The following ZYG11A variants were observed in gnomAD, a reference collection of about 807,000 sequenced individuals.
ZYG11A encodes protein zyg-11 homolog A.
In ZYG11A, 62 loss-of-function variants were observed where a neutral mutation model predicts 77.2. That is an observed-to-expected ratio of 0.80 (90% confidence interval 0.65 to 0.99). ZYG11A has a LOEUF of 0.99. Ranked by LOEUF, ZYG11A falls within the 50% of genes least tolerant of loss-of-function variation. The probability of loss-of-function intolerance (pLI) is 0.00; values close to 1 mark genes in which losing one functional copy is unlikely to be tolerated. For synonymous variants in ZYG11A, 315 were observed against 324.6 expected, an observed-to-expected ratio of 0.97 and a Z score of 0.32; for missense variants, 828 against 896.8, an observed-to-expected ratio of 0.92 and a Z score of 0.98.
rs114585598 is a variant in ZYG11A, at chr1:52,888,789, C to T, written c.2104+1736C>T. Among the ~76,000 whole-genome samples, 783 of 152,314 alleles carry T rather than the reference C, an allele frequency of 5.1e-3. 8 individuals carry two copies. The highest frequency in any genetic ancestry group is 0.018 in the African/African-American group (763 of 41,564). On this transcript the variant is annotated intron_variant, in intron 13 of 13. Transcript: ENST00000371528. ...TGAGCCATGATCAGGCAACTGCCTA[C>T]TTCCAGCCTGGGGAACAGAGCAAGA...
chr1:52,869,728 T>G lies in ZYG11A; in HGVS notation c.1542+1951T>G, dbSNP rs573592786. On this transcript the variant is annotated intron_variant, in intron 8 of 13. Transcript: ENST00000371528. ...TTTCTATTCCACAAAACCGCCATTG[T>G]CATCATGGCCCGTTCTCAATGAGCT... is the stretch of plus-strand genomic sequence containing the variant. 6.7e-3 allele frequency among the ~76,000 whole-genome samples: 995 copies of G among 147,866 alleles called. 15 individuals are homozygous for G. The highest frequency in any genetic ancestry group is 0.023 in the African/African-American group (871 of 37,304).
Position 52,864,092 on chromosome 1 carries a change from C to G in ZYG11A, c.1261C>G (p.Arg421Gly). 1.9e-6 allele frequency: 3 copies of G among 1,551,936 alleles called. No homozygotes were observed. The highest frequency in any genetic ancestry group is 1.4e-5 in the African/African-American group (1 of 73,174). The part of the protein sequence containing the change: ...RQGLAKGMPV[R>G]LLSEVTCLLF... ...GGGCCTGGCCAAGGGGATGCCTGTTCGCCTGTTGTCAGAGGTCACCTGTCT... is the reference window on the plus strand; with the variant it reads ...GGGCCTGGCCAAGGGGATGCCTGTTGGCCTGTTGTCAGAGGTCACCTGTCT... Residue 421 changes from arginine (R) to glycine (G), a missense_variant, in exon 5 of 14, where the codon CGC becomes GGC. By Grantham distance (125) the Arg-to-Gly change is moderately radical. Transcript: ENST00000371528.
At chr1:52,851,619 C>A (rs932911745) in intron 1 of ZYG11A, among the ~76,000 whole-genome samples, 1 of 151,852 alleles carries the variant, frequency 6.6e-6, no homozygotes, top group African/African-American at 2.4e-5. Flanking sequence ...AGGTTGGTCT[C>A]GAGCTCCTAA....
intron 1 of ZYG11A, among the ~76,000 whole-genome samples, chr1:52,844,967 G>A (rs1234525101): frequency 6.6e-6 from 1 of 151,756 alleles, no homozygotes; most frequent in African/African-American, 2.4e-5. Context: ...TAATTAAGAC[G>A]GTGGTTTCCC....
intron 1 of ZYG11A, among the ~76,000 whole-genome samples, chr1:52,845,693 T>TTTACAAA (rs1645559462): frequency 6.6e-6 from 1 of 151,872 alleles, no homozygotes; most frequent in African/African-American, 2.4e-5. Context: ...TTTTTTTAAT[T>TTTACAAA]AAAAATGTAT....
intron 13 of ZYG11A, among the ~76,000 whole-genome samples, chr1:52,892,518 A>G (rs1308667859): frequency 6.6e-6 from 1 of 151,642 alleles, no homozygotes; most frequent in Non-Finnish European, 1.5e-5. Context: ...ACAAGAGCAA[A>G]ACTCTGTCTC....
rs939517668 is a variant in ZYG11A, at chr1:52,857,381, A to G, written c.640A>G (p.Asn214Asp). ...LPRLESLDIS[N>D]TLVTDISALL... is the part of the protein sequence containing the mutation. ...AAGACTGGAAAGCTTAGATATCTCT[A>G]ATACTCTAGTCACTGATATTTCTGC... The change falls in exon 3 of 14, where the codon AAT becomes GAT. Residue 214 changes from asparagine to aspartate, a missense_variant. Transcript: ENST00000371528. The G allele has an allele frequency of 5.8e-6, 9 of 1,551,660 alleles. No homozygotes were observed. The highest frequency in any genetic ancestry group is 2.4e-5 in the South Asian group (2 of 84,044).
intron 11 of ZYG11A, among the ~76,000 whole-genome samples, chr1:52,882,199 C>G (rs1646375939): frequency 6.6e-6 from 1 of 152,152 alleles, no homozygotes; most frequent in Non-Finnish European, 1.5e-5. Context: ...AGCCAACTTC[C>G]TTATTTCTAA....
intron 8 of ZYG11A, among the ~76,000 whole-genome samples, chr1:52,872,783 T>G (rs527242395): frequency 2.7e-5 from 4 of 147,168 alleles, no homozygotes; most frequent in African/African-American, 1.0e-4. Context: ...CTTAGGAGGC[T>G]GAGGTGGGAG....
intron 1 of ZYG11A, among the ~76,000 whole-genome samples, chr1:52,847,870 TTATTTATTTA>T (rs1449697768): frequency 2.6e-4 from 21 of 80,942 alleles, no homozygotes; most frequent in African/African-American, 1.3e-3. Context: ...ATTTATTTAT[TTATTTATTTA>T]TTTTTTTGAG....
intron 1 of ZYG11A, among the ~76,000 whole-genome samples, chr1:52,847,855 TA>T (rs1166548161): frequency 1.8e-4 from 17 of 93,060 alleles, no homozygotes; most frequent in African/African-American, 5.7e-4. Context: ...TTTATTTATT[TA>T]TTTATTTATT....
At chr1:52,848,896 A>T (rs1038488024) in intron 1 of ZYG11A, among the ~76,000 whole-genome samples, 1 of 152,132 alleles carries the variant, frequency 6.6e-6, no homozygotes, top group African/African-American at 2.4e-5. Flanking sequence ...AAAGTAAAAA[A>T]AATGGAGACA....
At chr1:52,878,089 C>T in intron 10 of ZYG11A, 120 bp downstream of exon 10, 1 of 810,304 alleles carries the variant, frequency 1.2e-6, no homozygotes, top group African/African-American at 1.7e-5. Context: ...CTCATTTAAT[C>T]TTTACATTAG....
At chr1:52,879,422 G>A (rs145173704) in intron 10 of ZYG11A, among the ~76,000 whole-genome samples, 5 of 152,236 alleles carry the variant, frequency 3.3e-5, no homozygotes, top group African/African-American at 7.2e-5. Context: ...CCTTATCTTC[G>A]TGTATCTCAC....
chr1:52,847,883 T>TATTTATTTA (rs1222682445), intron 1 of ZYG11A, among the ~76,000 whole-genome samples: 1 of 43,412 alleles, frequency 2.3e-5, no homozygotes, highest in Non-Finnish European at 8.7e-5. Flanking sequence ...TTTATTTATT[T>TATTTATTTA]TTTTGAGATG....
chr1:52,868,607 C>A (rs1646075754), intron 8 of ZYG11A, among the ~76,000 whole-genome samples: 1 of 151,926 alleles, frequency 6.6e-6, no homozygotes, highest in East Asian at 2.0e-4. Flanking sequence ...TGGTGAAACC[C>A]CGTCTCTACT....
At chr1:52,868,501 G>C (rs1397436259) in intron 8 of ZYG11A, among the ~76,000 whole-genome samples, 1 of 152,084 alleles carries the variant, frequency 6.6e-6, no homozygotes, top group African/African-American at 2.4e-5. Flanking sequence ...ATATCACTGG[G>C]CCGGGTGCTG....
intron 13 of ZYG11A, among the ~76,000 whole-genome samples, chr1:52,889,447 AAAAC>A (rs1488097945): frequency 1.3e-5 from 2 of 151,684 alleles, no homozygotes; most frequent in African/African-American, 4.8e-5. Flanking sequence ...ATTAAAAAAA[AAAAC>A]ACCTCAAAAC....
At chr1:52,860,972 T>C (rs1645916836) in intron 4 of ZYG11A, 101 bp downstream of exon 4, 1 of 1,194,236 alleles carries the variant, frequency 8.4e-7, no homozygotes, top group Non-Finnish European at 1.2e-6. Flanking sequence ...TGCTTTATTC[T>C]ATAGTGAGTC....
Sources: allele counts gnomAD v4.1 joint callset (sites outside exome capture counted in the v4.1 genomes callset), GRCh38; gene constraint gnomAD v4.1.1; transcripts MANE v1.5; gene names NCBI Gene and HGNC (gene_info 2026-07-23, HGNC 2026-07-21).